Variants in HS6ST3 observed in about 807,000 individuals in gnomAD.
HS6ST3 encodes the protein heparan sulfate 6-O-sulfotransferase 3.
HS6ST3 carries 12 observed loss-of-function variants against 36.7 expected under a neutral mutation model. That is an observed-to-expected ratio of 0.33 (90% CI 0.21 to 0.53). The LOEUF (loss-of-function observed/expected upper bound fraction) is 0.53, where lower values mean the gene tolerates loss of function less well. Ranked by LOEUF, HS6ST3 falls within the 20% of genes least tolerant of loss-of-function variation. The pLI is 0.95. For synonymous variants in HS6ST3, 240 were observed against 257.5 expected, an observed-to-expected ratio of 0.93 and a Z score of 0.65; for missense variants, 584 against 640.9, an observed-to-expected ratio of 0.91 and a Z score of 0.96.
At chr13:96,254,523 T>G (rs1366779815) in intron 1 of HS6ST3, among the ~76,000 whole-genome samples, 1 of 125,028 alleles carries the variant, frequency 8.0e-6, no homozygotes, top group South Asian at 2.7e-4. Context: ...ACACACACTT[T>G]TTTCTTTTCA....
intron 1 of HS6ST3, among the ~76,000 whole-genome samples, chr13:96,660,294 A>G (rs2056641937): frequency 6.6e-6 from 1 of 152,140 alleles, no homozygotes; most frequent in Non-Finnish European, 1.5e-5. Flanking sequence ...TAAAAATAAT[A>G]CATACTAAAG....
chr13:96,485,388 T>C (rs187261007), intron 1 of HS6ST3, among the ~76,000 whole-genome samples: 1 of 152,280 alleles, frequency 6.6e-6, no homozygotes, highest in East Asian at 1.9e-4. Flanking sequence ...TTCCACTTGT[T>C]CCATGCTGGT....
intron 1 of HS6ST3, among the ~76,000 whole-genome samples, chr13:96,190,113 A>G (rs944874420): frequency 6.6e-5 from 10 of 152,246 alleles, no homozygotes; most frequent in African/African-American, 2.4e-4. Context: ...GTTGATGTCC[A>G]ATGGAAGCTT....
chr13:96,501,366 C>T (rs1399951630), intron 1 of HS6ST3, among the ~76,000 whole-genome samples: 1 of 152,228 alleles, frequency 6.6e-6, no homozygotes, highest in African/African-American at 2.4e-5. Context: ...AACTTCATTA[C>T]ATCCTCTGAG....
chr13:96,109,462 A>G (rs946848681), intron 1 of HS6ST3, among the ~76,000 whole-genome samples: 2 of 152,234 alleles, frequency 1.3e-5, no homozygotes, highest in Non-Finnish European at 2.9e-5. Flanking sequence ...GATAATTATT[A>G]CAGTTTCCAA....
chr13:96,392,388 C>T (rs1444410470), intron 1 of HS6ST3, among the ~76,000 whole-genome samples: 1 of 152,108 alleles, frequency 6.6e-6, no homozygotes, highest in African/African-American at 2.4e-5. Context: ...GGATGAGGCC[C>T]CTGTCCTAAC....
At chr13:96,259,630 A>C (rs535199527) in intron 1 of HS6ST3, among the ~76,000 whole-genome samples, 2 of 152,208 alleles carry the variant, frequency 1.3e-5, no homozygotes, top group Non-Finnish European at 2.9e-5. Flanking sequence ...GCATTTTAAC[A>C]TGTGAAAGCC....
At chr13:96,197,657 A>G (rs72642912) in intron 1 of HS6ST3, among the ~76,000 whole-genome samples, 5,257 of 152,308 alleles carry the variant, frequency 0.035, 180 homozygotes, top group Admixed American at 0.11. Context: ...CCTAGATACA[A>G]TGAGGGTACA....
At chr13:96,688,672 A>G (rs988332038) in intron 1 of HS6ST3, among the ~76,000 whole-genome samples, 5 of 152,110 alleles carry the variant, frequency 3.3e-5, no homozygotes, top group East Asian at 1.9e-4. Flanking sequence ...TCAGTTGTGT[A>G]TGAACTCCCT....
At chr13:96,724,403 A>G (rs1399266121) in intron 1 of HS6ST3, among the ~76,000 whole-genome samples, 1 of 152,174 alleles carries the variant, frequency 6.6e-6, no homozygotes, top group Non-Finnish European at 1.5e-5. Flanking sequence ...TAAAATGTAC[A>G]ATTTCATAAA....
chr13:96,206,706 G>C (rs2054372318), intron 1 of HS6ST3, among the ~76,000 whole-genome samples: 1 of 152,082 alleles, frequency 6.6e-6, no homozygotes, highest in African/African-American at 2.4e-5. Context: ...CAAGCAATGG[G>C]GAAAGGACTT....
At chr13:96,635,862 T>G (rs2056547752) in intron 1 of HS6ST3, among the ~76,000 whole-genome samples, 1 of 152,042 alleles carries the variant, frequency 6.6e-6, no homozygotes, top group Admixed American at 6.6e-5. Context: ...CTTTTAACCC[T>G]ACATGAATAT....
At chr13:96,590,917 G>A (rs988992402) in intron 1 of HS6ST3, among the ~76,000 whole-genome samples, 1 of 152,082 alleles carries the variant, frequency 6.6e-6, no homozygotes, top group Non-Finnish European at 1.5e-5. Context: ...TGGATATCCA[G>A]TTTATCAAGT....
At chr13:96,444,191 A>G (rs2055687238) in intron 1 of HS6ST3, among the ~76,000 whole-genome samples, 1 of 152,204 alleles carries the variant, frequency 6.6e-6, no homozygotes, top group Non-Finnish European at 1.5e-5. Flanking sequence ...CATGATAAAA[A>G]ACTTTGATAA....
chr13:96,802,345 A>T (rs1878097725), intron 1 of HS6ST3, among the ~76,000 whole-genome samples: 1 of 152,186 alleles, frequency 6.6e-6, no homozygotes, highest in Admixed American at 6.5e-5. Context: ...TCTCTCAAGG[A>T]ATAATTCAGG....
intron 1 of HS6ST3, among the ~76,000 whole-genome samples, chr13:96,314,399 A>T (rs1265464939): frequency 1.3e-5 from 2 of 152,186 alleles, no homozygotes; most frequent in East Asian, 3.9e-4. Flanking sequence ...ATGCAAGGAA[A>T]TTTAACTTTA....
intron 1 of HS6ST3, among the ~76,000 whole-genome samples, chr13:96,792,304 C>T (rs529378266): frequency 2.1e-4 from 32 of 152,072 alleles, no homozygotes; most frequent in African/African-American, 6.0e-4. Flanking sequence ...TTGGAAATGA[C>T]GGTTCTGATG....
At chr13:96,829,372 G>T (rs1878721143) in intron 1 of HS6ST3, among the ~76,000 whole-genome samples, 1 of 150,492 alleles carries the variant, frequency 6.6e-6, no homozygotes, top group Non-Finnish European at 1.5e-5. Context: ...GTGCAGGTTT[G>T]TTACACAGGT....
At position 96,833,212 on chromosome 13, in the gene HS6ST3, C is replaced by T. The variant is rs1403006021; in HGVS notation, c.*14C>T. On this transcript the variant is annotated 3_prime_UTR_variant, in exon 2 of 2. Coordinates refer to ENST00000376705, the MANE Select transcript of HS6ST3 (RefSeq NM_153456.4). ...GTGAGATGGTGACCTCCTGCCCTCT[C>T]CTCTCTCAGGAGGGGGAGGGTGAGC... 1 of 1,511,758 alleles carries T rather than the reference C, an allele frequency of 6.6e-7. No individual in the cohort carries two copies. Among genetic ancestry groups the T allele is most frequent in the Admixed American group, 2.2e-5 (1 of 46,204 alleles). 93.6% of individuals were successfully genotyped at this position (1,511,758 alleles called of 1,614,324 possible).
Sources: gnomAD v4.1 joint callset for allele counts (sites outside exome capture counted in the v4.1 genomes callset) on GRCh38, gnomAD v4.1.1 for gene constraint, MANE v1.5 for transcripts, NCBI Gene and HGNC (gene_info 2026-07-23, HGNC 2026-07-21) for gene names.